The following CARS1 variants were observed in gnomAD, a reference collection of about 807,000 sequenced individuals.
The protein encoded by CARS1 is cysteinyl-tRNA synthetase 1.
Under a neutral mutation model 106.2 loss-of-function variants are expected in CARS1, and 48 were observed. The observed-to-expected ratio is 0.45, with a 90% confidence interval of 0.36 to 0.57. The LOEUF (loss-of-function observed/expected upper bound fraction) is 0.57, where lower values mean the gene tolerates loss of function less well. CARS1 is among the 20% of genes least tolerant of loss of function. The pLI is 0.00. For missense variants in CARS1, 968 were observed against 1,057.2 expected, an observed-to-expected ratio of 0.92 and a Z score of 1.17; for synonymous variants, 409 against 403.4, an observed-to-expected ratio of 1.01 and a Z score of -0.17.
chr11:3,015,358 G>A (rs780325753), intron 17 of CARS1, among the ~76,000 whole-genome samples: 5 of 152,228 alleles, frequency 3.3e-5, no homozygotes, highest in African/African-American at 7.2e-5. Context: ...AGACAGTGGC[G>A]TATCTCCCCA....
chr11:3,057,383 AC>A lies in CARS1; in HGVS notation c.-17del. ...AATCTGCCATGGCTGGGAATCCCGG[AC>A]CCGCAGCTGCGGCTACAGACACTTC... On this transcript the variant is annotated 5_prime_UTR_variant, in exon 1 of 23. Coordinates refer to ENST00000380525, the MANE Select transcript of CARS1 (RefSeq NM_001014437.3). 1.2e-6 allele frequency: 2 copies of A among 1,608,806 alleles called. No individual in the cohort carries two copies. Among genetic ancestry groups the A allele is most frequent in the South Asian group, 2.2e-5 (2 of 90,802 alleles).
In CARS1 at chr11:3,012,052, C is replaced by T. The variant is rs549712995; in HGVS notation, c.2068+143G>A. ...CCTGGTGGGTCCAGGCCCGGGATGC[C>T]GTTCAACACCCTGTGGTGCACGGGG... On this transcript the variant is annotated intron_variant, in intron 18 of 22. Transcript: ENST00000380525. 7.4e-4 allele frequency: 538 copies of T among 724,902 alleles called. 3 individuals are homozygous for T. The highest frequency in any genetic ancestry group is 1.1e-3 in the Non-Finnish European group (448 of 415,710). 44.9% of individuals were successfully genotyped at this position (724,902 alleles called of 1,614,324 possible).
intron 7 of CARS1, among the ~76,000 whole-genome samples, chr11:3,031,850 T>C (rs1178100706): frequency 6.6e-6 from 1 of 152,128 alleles, no homozygotes; most frequent in African/African-American, 2.4e-5. Flanking sequence ...GACCCCATAC[T>C]TTTGTGAGTT....
At position 3,043,996 on chromosome 11, in the gene CARS1, C is replaced by T. The variant is rs933944670; in HGVS notation, c.275-1740G>A. Among the ~76,000 whole-genome samples the T allele has an allele frequency of 6.6e-6, 1 of 152,154 alleles. No individual in the cohort carries two copies. The highest frequency in any genetic ancestry group is 2.4e-5 in the African/African-American group (1 of 41,430). ...GTGCTTATTGAGGCCAAGTGCAGCTCGGCCTCAGTGTACTTTAAATGCCTC... is the reference window on the plus strand; with the variant it reads ...GTGCTTATTGAGGCCAAGTGCAGCTTGGCCTCAGTGTACTTTAAATGCCTC... On this transcript the variant is annotated intron_variant, in intron 2 of 22. Coordinates refer to ENST00000380525, the MANE Select transcript of CARS1 (RefSeq NM_001014437.3). The surrounding 1 kb of genome is among the most constrained non-coding windows in gnomAD (Gnocchi z 4.0).
Position 3,040,445 on chromosome 11 carries a change from T to C in CARS1, c.455+451A>G, listed in dbSNP as rs1003113530. 1.3e-5 allele frequency: 6 copies of C among 448,486 alleles called. No homozygotes were observed. Among genetic ancestry groups the C allele is most frequent in the Admixed American group, 1.3e-4 (5 of 38,898 alleles). 27.8% of individuals were successfully genotyped at this position (448,486 alleles called of 1,614,324 possible). A position where few individuals can be genotyped will look rare whatever the true frequency, so the allele number is the denominator to read the frequency against. On this transcript the variant is annotated intron_variant, in intron 4 of 22. Coordinates refer to ENST00000380525, the MANE Select transcript of CARS1 (RefSeq NM_001014437.3). The surrounding 1 kb of genome is among the most constrained non-coding windows in gnomAD (Gnocchi z 5.8). ...ACACATAAAAGGACTCTGTGGCATT[T>C]ACCCCAACAGCCAGCTACTCGTCAG...
rs532308679 is a variant in CARS1, at chr11:3,047,653, G to C, written c.274+100C>G. The stretch of plus-strand genomic sequence containing the variant: ...GACACACTTGGGCGAGGCTCCCTCT[G>C]GGGTATCCGCAGACGCCAGGTAAGC... On this transcript the variant is annotated intron_variant, in intron 2 of 22. Coordinates refer to ENST00000380525, the MANE Select transcript of CARS1 (RefSeq NM_001014437.3). 4.4e-5 allele frequency: 65 copies of C among 1,470,254 alleles called. No individual in the cohort carries two copies. The South Asian group carries it at 8.4e-4, about 19-fold the overall frequency. The allele number at this position is 1,470,254 out of a possible 1,614,324, so 91.1% of individuals were successfully genotyped here. A position where few individuals can be genotyped will look rare whatever the true frequency, so the allele number is the denominator to read the frequency against.
intron 10 of CARS1, among the ~76,000 whole-genome samples, chr11:3,025,625 G>A (rs371915113): frequency 1.1e-4 from 16 of 152,194 alleles, no homozygotes; most frequent in East Asian, 7.7e-4. Flanking sequence ...TAGGACAGGC[G>A]GGGTGGGGGT....
intron 1 of CARS1, chr11:3,055,034 G>A (rs1351951811): frequency 2.9e-6 from 2 of 697,918 alleles, no homozygotes; most frequent in Non-Finnish European, 5.2e-6. Flanking sequence ...GACCGCAAAG[G>A]AAAAGCTGTA....
At chr11:3,055,658 C>T (rs557004548) in intron 1 of CARS1, among the ~76,000 whole-genome samples, 1 of 152,342 alleles carries the variant, frequency 6.6e-6, no homozygotes, top group Non-Finnish European at 1.5e-5. Context: ...GCAATTCTTA[C>T]AAGGCTCTGA....
At chr11:3,027,892 G>A (rs191424994) in intron 9 of CARS1, 73 of 453,266 alleles carry the variant, frequency 1.6e-4, no homozygotes, top group African/African-American at 1.1e-3. Context: ...CTTGCCCCGC[G>A]GGAGTCTGGA....
In CARS1 at chr11:3,034,599, G is replaced by A. The variant is rs7113014; in HGVS notation, c.801+3451C>T. On this transcript the variant is annotated intron_variant, in intron 7 of 22. Transcript: ENST00000380525. This position sits in a 1 kb window ranked among gnomAD's most constrained non-coding sequence, Gnocchi z 6.3. ...GGCTGCAGTGCAACAGCACGATCTC[G>A]GCTCACTGCAACCTCTGACTCCCTG... Among the ~76,000 whole-genome samples the A allele has an allele frequency of 1.4e-3, 210 of 152,078 alleles. 1 individual carries two copies. Among genetic ancestry groups the A allele is most frequent in the African/African-American group, 4.9e-3 (203 of 41,458 alleles).
Position 3,028,728 on chromosome 11 carries a change from GGGCCCCAT to G in CARS1, c.1031+260_1031+267del. 1 of 506,960 alleles carries G rather than the reference GGGCCCCAT, an allele frequency of 2.0e-6. No homozygotes were observed. The highest frequency in any genetic ancestry group is 3.5e-6 in the Non-Finnish European group (1 of 286,970). 31.4% of individuals were successfully genotyped at this position (506,960 alleles called of 1,614,324 possible). A position where few individuals can be genotyped will look rare whatever the true frequency, so the allele number is the denominator to read the frequency against. The stretch of plus-strand genomic sequence containing the variant: ...TCGCACTCACCATTATGCAGCTCTG[GGGCCCCAT>G]GACTGATGGTCTTGGCTGCCGAGCT... On this transcript the variant is annotated intron_variant, in intron 9 of 22. Transcript: ENST00000380525. This position sits in a 1 kb window ranked among gnomAD's most constrained non-coding sequence, Gnocchi z 4.4.
Position 3,013,142 on chromosome 11 carries a change from C to G in CARS1, c.1987-866G>C, listed in dbSNP as rs573967122. On this transcript the variant is annotated intron_variant, in intron 17 of 22. Transcript: ENST00000380525. ...TAACCTTGTGATCTGCCCGCCTTGG[C>G]CTCCCAAAGCATTTCCCCTTTTTTT... Among the ~76,000 whole-genome samples the G allele has an allele frequency of 1.1e-3, 171 of 151,666 alleles. 1 individual carries two copies. The highest frequency in any genetic ancestry group is 3.9e-3 in the African/African-American group (163 of 41,332).
At chr11:3,015,950 C>G in intron 16 of CARS1, 101 bp from the exon 17 acceptor site, 1 of 974,284 alleles carries the variant, frequency 1.0e-6, no homozygotes, top group East Asian at 2.5e-5. Context: ...AGGGGGTGCC[C>G]CAAGACCAGG....
intron 18 of CARS1, chr11:3,009,042 C>T (rs985121690): frequency 6.6e-6 from 1 of 152,324 alleles, no homozygotes; most frequent in African/African-American, 2.4e-5. Context: ...CCCTCAGGCC[C>T]ACACCGACCT....
intron 1 of CARS1, among the ~76,000 whole-genome samples, chr11:3,054,440 C>T (rs1855994214): frequency 6.6e-6 from 1 of 152,214 alleles, no homozygotes; most frequent in Non-Finnish European, 1.5e-5. Flanking sequence ...TACCCGGAAA[C>T]ATGGTACCTG....
chr11:3,050,286 C>A lies in CARS1; in HGVS notation c.26-2285G>T, dbSNP rs1172394458. Among the ~76,000 whole-genome samples the A allele has an allele frequency of 6.6e-6, 1 of 152,096 alleles. No homozygotes were observed. ...CTTGCCCTGCTTCCTTCCCACTGCA[C>A]GGAGCCACTGTCCCATCTGACCCCA... On this transcript the variant is annotated intron_variant, in intron 1 of 22. Transcript: ENST00000380525. The surrounding 1 kb of genome is among the most constrained non-coding windows in gnomAD (Gnocchi z 6.3).
chr11:3,038,748 T>C lies in CARS1; in HGVS notation c.651+446A>G, dbSNP rs150372106. Among the ~76,000 whole-genome samples, 344 of 152,340 alleles carry C rather than the reference T, an allele frequency of 2.3e-3. 2 individuals are homozygous for C. The highest frequency in any genetic ancestry group is 7.8e-3 in the African/African-American group (326 of 41,580). On this transcript the variant is annotated intron_variant, in intron 6 of 22. Transcript: ENST00000380525. This position sits in a 1 kb window ranked among gnomAD's most constrained non-coding sequence, Gnocchi z 4.0. ...AGTATATAACGATGGTTATTCAGAA[T>C]GAAAATACTAGAGAGAACTAATTTC...
chr11:3,036,867 T>C (rs140447461), intron 7 of CARS1, among the ~76,000 whole-genome samples: 2 of 152,198 alleles, frequency 1.3e-5, no homozygotes, highest in East Asian at 1.9e-4. Flanking sequence ...GAGTCTGACA[T>C]GCACTACAGC....
Sources: allele counts gnomAD v4.1 joint callset (sites outside exome capture counted in the v4.1 genomes callset), GRCh38; gene constraint gnomAD v4.1.1; non-coding constraint Gnocchi (gnomAD v3.1); transcripts MANE v1.5; gene names NCBI Gene and HGNC (gene_info 2026-07-23, HGNC 2026-07-21).